The following SEC14L2 variants were observed in gnomAD, a reference collection of about 807,000 sequenced individuals.
SEC14L2 encodes the protein SEC14 like lipid binding 2.
Under a neutral mutation model 56.9 loss-of-function variants are expected in SEC14L2, and 50 were observed. The observed-to-expected ratio is 0.88, with a 90% confidence interval of 0.70 to 1.11. The LOEUF (loss-of-function observed/expected upper bound fraction) is 1.11, where lower values mean the gene tolerates loss of function less well. Ranked by LOEUF, SEC14L2 falls within the 50% of genes most tolerant of loss-of-function variation. The pLI is 0.00. For missense variants in SEC14L2, 414 were observed against 500.7 expected (o/e 0.83, Z 1.65); for synonymous variants, 179 against 188.5 (o/e 0.95, Z 0.41).
rs748276832 is a variant in SEC14L2 at position 30,406,303 on chromosome 22, G to C, written c.131-39G>C. 1.1e-5 allele frequency: 17 copies of C among 1,611,562 alleles called. No individual in the cohort carries two copies. In the East Asian group the frequency reaches 3.3e-4, roughly 32 times the overall value. On this transcript the variant is annotated intron_variant, in intron 2 of 11. Coordinates refer to ENST00000615189, the MANE Select transcript of SEC14L2 (RefSeq NM_012429.5). The stretch of plus-strand genomic sequence containing the variant: ...TCCCCATCCTTGGACACCCAGTCCT[G>C]CTAACCTAACCCTGACCAGAACTGT...
intron 11 of SEC14L2, 70 bp downstream of exon 11, chr22:30,416,473 C>T (rs774925922): frequency 7.4e-6 from 12 of 1,612,132 alleles, no homozygotes; most frequent in South Asian, 3.3e-5. Context: ...GTTCCTCTTC[C>T]TCCATGGATT....
At chr22:30,400,664 C>T (rs544115777) in intron 2 of SEC14L2, among the ~76,000 whole-genome samples, 8 of 151,758 alleles carry the variant, frequency 5.3e-5, no homozygotes, top group African/African-American at 1.2e-4. Context: ...GGAGGCTAGG[C>T]GGGCAGATCA....
intron 3 of SEC14L2, among the ~76,000 whole-genome samples, chr22:30,406,664 T>G (rs996816408): frequency 3.3e-5 from 5 of 152,232 alleles, no homozygotes; most frequent in African/African-American, 1.2e-4. Flanking sequence ...TGGTGACCAC[T>G]TATGATCTGG....
At position 30,397,153 on chromosome 22, in the gene SEC14L2, A is replaced by G. The variant is rs958239191; in HGVS notation, c.37A>G (p.Lys13Glu). The G allele has an allele frequency of 6.5e-7, 1 of 1,545,064 alleles. No homozygotes were observed. The highest frequency in any genetic ancestry group is 8.7e-7 in the Non-Finnish European group (1 of 1,144,658). ...GRVGDLSPRQKEALAKFRENV... is the reference protein window; with the variant it reads ...GRVGDLSPRQEEALAKFRENV... ...AGTCGGCGATCTGAGCCCCAGGCAG[A>G]AGGAGGCATTGGCCAAGGTGAGCTG... Residue 13 changes from lysine (K) to glutamate (E), a missense_variant, in exon 1 of 12, where the codon AAG (lysine) becomes GAG (glutamate). Transcript: ENST00000615189.
At chr22:30,397,688 A>G (rs1480429073) in intron 1 of SEC14L2, 1 of 344,516 alleles carries the variant, frequency 2.9e-6, no homozygotes, top group Non-Finnish European at 5.9e-6. Context: ...CCTCGATGCC[A>G]TGGAATGAGG....
chr22:30,397,109 G>A lies in SEC14L2; in HGVS notation c.-8G>A. ...GCCCCCAAACCCCATCCCCGCGGTT[G>A]AGCCACGATGAGCGGCAGAGTCGGC... On this transcript the variant is annotated 5_prime_UTR_variant, in exon 1 of 12. Coordinates refer to ENST00000615189, the MANE Select transcript of SEC14L2 (RefSeq NM_012429.5). 6.5e-7 allele frequency: 1 copy of A among 1,548,240 alleles called. No individual in the cohort carries two copies. Among genetic ancestry groups the A allele is most frequent in the South Asian group, 1.2e-5 (1 of 84,008 alleles).
At chr22:30,420,993 A>G (rs1446569269) in intron 11 of SEC14L2, 1 of 152,218 alleles carries the variant, frequency 6.6e-6, no homozygotes, top group Non-Finnish European at 1.5e-5. Flanking sequence ...TATCCTATCA[A>G]ATATCTTCCA....
rs773377470 is a variant in SEC14L2, at chr22:30,409,120, C to A, written c.424-67C>A. 5 of 1,371,336 alleles carry A rather than the reference C, an allele frequency of 3.6e-6. No individual in the cohort carries two copies. The African/African-American group carries it at 5.7e-5, about 16-fold the overall frequency. 84.9% of individuals were successfully genotyped at this position (1,371,336 alleles called of 1,614,324 possible). A position where few individuals can be genotyped will look rare whatever the true frequency, so the allele number is the denominator to read the frequency against. The stretch of plus-strand genomic sequence containing the variant: ...CTGGATGCACAGTGCAATCATTTGG[C>A]CTGGACTGGAACGGGCTTCTGAAGT... On this transcript the variant is annotated intron_variant, in intron 5 of 11. Transcript: ENST00000615189.
chr22:30,415,848 C>G lies in SEC14L2; in HGVS notation c.754C>G (p.Pro252Ala), dbSNP rs750762042. The change falls in exon 9 of 12, where the codon CCC (proline) becomes GCC (alanine). Residue 252 changes from proline (P) to alanine (A), a missense_variant. Transcript: ENST00000615189. ...CACCATGACTGACCCTGATGGAAAC[C>G]CCAAGTGCAAATCCAAGGTATGAGC... ...GGTMTDPDGNPKCKSKINYGG... is the reference protein window; with the variant it reads ...GGTMTDPDGNAKCKSKINYGG... The G allele has an allele frequency of 6.2e-7, 1 of 1,614,044 alleles. No homozygotes were observed. The highest frequency in any genetic ancestry group is 1.3e-5 in the African/African-American group (1 of 74,904).
rs1460078482 is a variant in SEC14L2 at position 30,404,618 on chromosome 22, G to T, written c.131-1724G>T. Among the ~76,000 whole-genome samples the T allele has an allele frequency of 2.0e-5, 3 of 152,306 alleles. 1 individual carries two copies. The highest frequency in any genetic ancestry group is 2.0e-4 in the Admixed American group (3 of 15,298). ...CTCAAAACTCTTTGAAGGATGGACT[G>T]AAGTTGACTGTAACAAGAGGAAATT... is the stretch of plus-strand genomic sequence containing the variant. On this transcript the variant is annotated intron_variant, in intron 2 of 11. Coordinates refer to ENST00000615189, the MANE Select transcript of SEC14L2 (RefSeq NM_012429.5).
intron 2 of SEC14L2, among the ~76,000 whole-genome samples, chr22:30,404,924 GC>G (rs1934049865): frequency 6.6e-6 from 1 of 152,126 alleles, no homozygotes; most frequent in African/African-American, 2.4e-5. Flanking sequence ...ACAAAAATTA[GC>G]CAGGTGTGGT....
intron 8 of SEC14L2, among the ~76,000 whole-genome samples, chr22:30,415,209 A>G (rs945285265): frequency 1.3e-5 from 2 of 152,144 alleles, no homozygotes; most frequent in African/African-American, 4.8e-5. Context: ...AGGTGGGTGG[A>G]TCATCTGAGG....
intron 2 of SEC14L2, among the ~76,000 whole-genome samples, chr22:30,401,886 C>A (rs961326349): frequency 2.0e-5 from 3 of 152,150 alleles, no homozygotes; most frequent in African/African-American, 7.2e-5. Context: ...ACCACTGTGA[C>A]TGGCCCTATT....
intron 11 of SEC14L2, among the ~76,000 whole-genome samples, chr22:30,419,962 T>C (rs949364005): frequency 6.6e-6 from 1 of 151,724 alleles, no homozygotes; most frequent in African/African-American, 2.4e-5. Context: ...CTTTTCTTTT[T>C]TTTTTTTTGA....
At chr22:30,404,020 A>G (rs1031524478) in intron 2 of SEC14L2, among the ~76,000 whole-genome samples, 4 of 139,278 alleles carry the variant, frequency 2.9e-5, no homozygotes, top group Non-Finnish European at 6.2e-5. Context: ...AAAAAAAAAA[A>G]AAAAAAAAAG....
In SEC14L2 at chr22:30,397,031, G is replaced by C; in HGVS notation, c.-86G>C. On this transcript the variant is annotated 5_prime_UTR_variant, in exon 1 of 12. Coordinates refer to ENST00000615189, the MANE Select transcript of SEC14L2 (RefSeq NM_012429.5). ...GCAAAAGGCTGGGACTTTACTCCGGGTGGCGGCGAGGACGAGTCTGTGCTC... is the reference window on the plus strand; with the variant it reads ...GCAAAAGGCTGGGACTTTACTCCGGCTGGCGGCGAGGACGAGTCTGTGCTC... The C allele has an allele frequency of 1.6e-6, 2 of 1,244,320 alleles. No homozygotes were observed. The highest frequency in any genetic ancestry group is 2.3e-6 in the Non-Finnish European group (2 of 875,828). The allele number at this position is 1,244,320 out of a possible 1,614,324, so 77.1% of individuals were successfully genotyped here.
intron 4 of SEC14L2, 96 bp from the exon 5 acceptor site, chr22:30,407,319 T>C (rs930716509): frequency 2.0e-6 from 3 of 1,474,822 alleles, no homozygotes; most frequent in South Asian, 2.4e-5. Flanking sequence ...GAGAGGGAGG[T>C]AGAGAAAGAT....
intron 11 of SEC14L2, among the ~76,000 whole-genome samples, chr22:30,419,478 G>A (rs1032146560): frequency 5.9e-5 from 9 of 152,190 alleles, no homozygotes; most frequent in African/African-American, 2.2e-4. Flanking sequence ...AGGAGGCGGA[G>A]GTTGCAGTAA....
At chr22:30,418,989 T>A (rs1934450925) in intron 11 of SEC14L2, among the ~76,000 whole-genome samples, 1 of 152,250 alleles carries the variant, frequency 6.6e-6, no homozygotes, top group South Asian at 2.1e-4. Flanking sequence ...TTTTGTTTTC[T>A]CACCTAATAT....
Sources: allele counts gnomAD v4.1 joint callset (sites outside exome capture counted in the v4.1 genomes callset), GRCh38; gene constraint gnomAD v4.1.1; transcripts MANE v1.5; gene names NCBI Gene and HGNC (gene_info 2026-07-23, HGNC 2026-07-21).